Variants in HK1 observed in about 807,000 individuals in gnomAD.
HK1 encodes hexokinase-1.
Under a neutral mutation model 91.6 loss-of-function variants are expected in HK1, and 28 were observed. The ratio of observed to expected loss-of-function variants is 0.31; its 90% CI spans 0.23 to 0.42. HK1 has a LOEUF of 0.42. Ranked by LOEUF, HK1 falls within the 10% of genes least tolerant of loss-of-function variation. The pLI is 1.00. For missense variants in HK1, 770 were observed against 1,219.8 expected (o/e 0.63, Z 5.49); for synonymous variants, 430 against 468.1 (o/e 0.92, Z 1.05).
intron 1 of HK1, among the ~76,000 whole-genome samples, chr10:69,321,194 T>C (rs1847002010): frequency 6.6e-6 from 1 of 152,242 alleles, no homozygotes; most frequent in Non-Finnish European, 1.5e-5. Context: ...TAGTGGACTG[T>C]GTGGCACAGC....
intron 2 of HK1, among the ~76,000 whole-genome samples, chr10:69,354,302 G>T (rs964974446): frequency 2.6e-5 from 4 of 152,178 alleles, no homozygotes; most frequent in South Asian, 4.1e-4. Flanking sequence ...CTGTTAAAAA[G>T]AACTGCCTAA....
intron 7 of HK1, among the ~76,000 whole-genome samples, chr10:69,370,129 T>A (rs564386355): frequency 5.9e-4 from 90 of 152,306 alleles, no homozygotes; most frequent in Non-Finnish European, 3.7e-4. Context: ...TTTAAAATAA[T>A]CTTCTCTTTG....
intron 16 of HK1, among the ~76,000 whole-genome samples, chr10:69,396,678 AT>A (rs1166389261): frequency 6.6e-6 from 1 of 151,742 alleles, no homozygotes; most frequent in African/African-American, 2.4e-5. Context: ...GAATTTCCTT[AT>A]TTTTTTATTT....
intron 2 of HK1, among the ~76,000 whole-genome samples, chr10:69,354,108 C>G (rs1849016537): frequency 1.3e-5 from 2 of 152,126 alleles, no homozygotes; most frequent in South Asian, 2.1e-4. Context: ...TGCAGAATTA[C>G]TTGCTTGGTG....
chr10:69,295,341 G>A (rs945701959), intron 3 of HK1, among the ~76,000 whole-genome samples: 4 of 152,194 alleles, frequency 2.6e-5, no homozygotes, highest in Non-Finnish European at 5.9e-5. Flanking sequence ...CTTGAGGGCC[G>A]AACCACGGTT....
intron 7 of HK1, among the ~76,000 whole-genome samples, chr10:69,373,137 G>A (rs1456664340): frequency 6.6e-6 from 1 of 152,168 alleles, no homozygotes; most frequent in East Asian, 1.9e-4. Flanking sequence ...TCAAAGTTCT[G>A]GGATTACAGA....
intron 5 of HK1, among the ~76,000 whole-genome samples, chr10:69,306,251 A>G (rs1018753443): frequency 1.3e-5 from 2 of 151,740 alleles, no homozygotes; most frequent in South Asian, 2.1e-4. Context: ...CCAGCTACTC[A>G]GGAGGCTGAG....
intron 1 of HK1, among the ~76,000 whole-genome samples, chr10:69,324,486 G>C (rs1270583408): frequency 6.6e-6 from 1 of 152,150 alleles, no homozygotes; most frequent in Non-Finnish European, 1.5e-5. Flanking sequence ...CAGCTTCTCG[G>C]GAGGCTGAGG....
intron 3 of HK1, chr10:69,288,798 TC>T (rs1223673943): frequency 6.2e-7 from 1 of 1,607,090 alleles, no homozygotes; most frequent in African/African-American, 1.3e-5. Context: ...TTTCTTTCTT[TC>T]TTTTTTTGAG....
chr10:69,304,054 A>G (rs1396848507), intron 5 of HK1, among the ~76,000 whole-genome samples: 1 of 152,188 alleles, frequency 6.6e-6, no homozygotes, highest in African/African-American at 2.4e-5. Context: ...AAGGTCTGCA[A>G]AATATCTCAA....
At chr10:69,314,945 C>A (rs968396642), upstream of HK1, among the ~76,000 whole-genome samples, 2 of 152,076 alleles carry the variant, frequency 1.3e-5, no homozygotes, top group African/African-American at 4.8e-5. Flanking sequence ...GGATTACAGG[C>A]GTGAGCCACT....
intron 1 of HK1, among the ~76,000 whole-genome samples, chr10:69,325,196 C>T (rs1318027736): frequency 1.3e-5 from 2 of 151,198 alleles, no homozygotes; most frequent in Non-Finnish European, 2.9e-5. Context: ...GGACTACAGG[C>T]GCCTGCCACC....
intron 1 of HK1, chr10:69,270,928 C>A (rs1316864937): frequency 2.6e-5 from 4 of 152,184 alleles, no homozygotes; most frequent in Non-Finnish European, 5.9e-5. Flanking sequence ...CTCAAATAAG[C>A]ACATGAATTA....
At chr10:69,342,443 G>T (rs149666216) in intron 1 of HK1, among the ~76,000 whole-genome samples, 149 of 152,330 alleles carry the variant, frequency 9.8e-4, no homozygotes, top group African/African-American at 3.3e-3. Context: ...AACCTTGAAG[G>T]TTAGGTGAGC....
At chr10:69,336,281 T>C (rs1847977368) in intron 1 of HK1, among the ~76,000 whole-genome samples, 1 of 152,096 alleles carries the variant, frequency 6.6e-6, no homozygotes, top group Admixed American at 6.5e-5. Flanking sequence ...AACCTCCGCC[T>C]CCTGGGTTCA....
At chr10:69,373,258 T>A (rs1184109911) in intron 7 of HK1, among the ~76,000 whole-genome samples, 1 of 152,210 alleles carries the variant, frequency 6.6e-6, no homozygotes, top group Non-Finnish European at 1.5e-5. Context: ...AGCTACTCAT[T>A]CCATTTGCTT....
At chr10:69,325,439 CCT>C (rs760333520) in intron 1 of HK1, among the ~76,000 whole-genome samples, 6 of 150,840 alleles carry the variant, frequency 4.0e-5, no homozygotes, top group Non-Finnish European at 8.9e-5. Flanking sequence ...CTCATTGCAA[CCT>C]CTGTCTCCTG....
At chr10:69,292,752 G>A (rs10762277) in intron 3 of HK1, among the ~76,000 whole-genome samples, 75,662 of 151,970 alleles carry the variant, frequency 0.5, 19,034 homozygotes, top group East Asian at 0.63. Flanking sequence ...CCAACCTCCA[G>A]TGCTGCAGAG....
rs1406587479 is a variant in HK1, at chr10:69,318,861, G to A, written c.-87G>A. 1 of 1,498,856 alleles carries A rather than the reference G, an allele frequency of 6.7e-7. No individual in the cohort carries two copies. Among genetic ancestry groups the A allele is most frequent in the Non-Finnish European group, 8.9e-7 (1 of 1,125,266 alleles). 92.8% of individuals were successfully genotyped at this position (1,498,856 alleles called of 1,614,324 possible). On this transcript the variant is annotated 5_prime_UTR_variant, in exon 1 of 18. Transcript: ENST00000359426. ...GGGAGGAGGAGGAGGAGGAGCCGCC[G>A]AGCAGCCGCCGGAGGACCACGGCTC...
Sources: gnomAD v4.1 joint callset for allele counts (sites outside exome capture counted in the v4.1 genomes callset) on GRCh38, gnomAD v4.1.1 for gene constraint, MANE v1.5 for transcripts, NCBI Gene and HGNC (gene_info 2026-07-23, HGNC 2026-07-21) for gene names.